Variants in DCAF4 observed in about 807,000 individuals in gnomAD.
DCAF4 encodes the protein DDB1- and CUL4-associated factor 4.
In DCAF4, 37 loss-of-function variants were observed where a neutral mutation model predicts 60.9. That is an observed-to-expected ratio of 0.61 (90% CI 0.47 to 0.80). The LOEUF (loss-of-function observed/expected upper bound fraction) is 0.80, where lower values mean the gene tolerates loss of function less well. Among genes scored for constraint, DCAF4 ranks in the 30% least tolerant of loss-of-function variants. The probability of loss-of-function intolerance (pLI) is 0.00; values close to 1 mark genes in which losing one functional copy is unlikely to be tolerated. For missense variants in DCAF4, 577 were observed against 650.0 expected, an observed-to-expected ratio of 0.89 and a Z score of 1.22; for synonymous variants, 243 against 254.8, an observed-to-expected ratio of 0.95 and a Z score of 0.44.
chr14:72,942,681 T>C, intron 5 of DCAF4: 1 of 287,894 alleles, frequency 3.5e-6, no homozygotes, highest in Non-Finnish European at 6.5e-6. Context: ...GACCATTGTT[T>C]CATCTCCCGC....
chr14:72,927,662 T>TAC lies in DCAF4; in HGVS notation c.-9+1119_-9+1120insAC, dbSNP rs1599554190. On this transcript the variant is annotated intron_variant, in intron 1 of 13. Coordinates refer to ENST00000358377, the MANE Select transcript of DCAF4 (RefSeq NM_015604.4). ...CACCGCGCCCGGCCTGAGGTGGTGT[T>TAC]CTGTGGGTAACCAGGCCTGGGGGTC... Among the ~76,000 whole-genome samples the TAC allele has an allele frequency of 4.6e-5, 7 of 152,084 alleles. No homozygotes were observed. In the East Asian group the frequency reaches 1.4e-3, roughly 30 times the overall value.
Position 72,953,729 on chromosome 14 carries a change from AAAAATATAT to A in DCAF4, c.809-433_809-425del, listed in dbSNP as rs1368700413. 7.4e-5 allele frequency among the ~76,000 whole-genome samples: 3 copies of A among 40,812 alleles called. 1 individual carries two copies. The highest frequency in any genetic ancestry group is 1.2e-4 in the African/African-American group (1 of 8,156). 26.8% of individuals were successfully genotyped at this position (40,812 alleles called of 152,430 possible). A position where few individuals can be genotyped will look rare whatever the true frequency, so the allele number is the denominator to read the frequency against. On this transcript the variant is annotated intron_variant, in intron 9 of 13. Coordinates refer to ENST00000358377, the MANE Select transcript of DCAF4 (RefSeq NM_015604.4). ...TGTCTTAAAAAAAAAAAAAAAAAAA[AAAAATATAT>A]ATATATATATATATATATATATATA...
rs145986879 is a variant in DCAF4 at position 72,941,208 on chromosome 14, C to A, written c.352-537C>A. Among the ~76,000 whole-genome samples the A allele has an allele frequency of 2.7e-3, 413 of 152,164 alleles. 2 individuals carry two copies. Among genetic ancestry groups the A allele is most frequent in the African/African-American group, 9.3e-3 (384 of 41,512 alleles). On this transcript the variant is annotated intron_variant, in intron 4 of 13. Coordinates refer to ENST00000358377, the MANE Select transcript of DCAF4 (RefSeq NM_015604.4). ...CTCGAACTCCTGGCCTCAAGTAATC[C>A]GCCCACCTTGGCCTCCCAAAGTGTG...
At position 72,934,298 on chromosome 14, in the gene DCAF4, C is replaced by T. The variant is rs140697124; in HGVS notation, c.-8-3673C>T. The stretch of plus-strand genomic sequence containing the variant: ...CCTCCCAAGTAGTGGGGATTGCAGG[C>T]GCCCACTACCATGCCTGGCTAATTT... On this transcript the variant is annotated intron_variant, in intron 1 of 13. Coordinates refer to ENST00000358377, the MANE Select transcript of DCAF4 (RefSeq NM_015604.4). Among the ~76,000 whole-genome samples the T allele has an allele frequency of 5.4e-3, 815 of 152,146 alleles. 9 individuals are homozygous for T. The highest frequency in any genetic ancestry group is 0.018 in the African/African-American group (762 of 41,492).
chr14:72,947,406 GT>G (rs1890875568), intron 8 of DCAF4, among the ~76,000 whole-genome samples: 1 of 152,226 alleles, frequency 6.6e-6, no homozygotes, highest in Non-Finnish European at 1.5e-5. Flanking sequence ...CATCATGGCT[GT>G]TTCTCAAGGT....
At chr14:72,940,615 G>A in intron 4 of DCAF4, 1 of 391,786 alleles carries the variant, frequency 2.6e-6, no homozygotes, top group Non-Finnish European at 4.5e-6. Context: ...TTTTGAGGCG[G>A]AATCTCACTC....
Position 72,941,844 on chromosome 14 carries a change from TTA to T in DCAF4, c.431+22_431+23del. The T allele has an allele frequency of 1.2e-6, 2 of 1,609,508 alleles. No individual in the cohort carries two copies. Among genetic ancestry groups the T allele is most frequent in the South Asian group, 2.2e-5 (2 of 90,764 alleles). ...CTGCCAGTAAGACAATGCCTCTTTG[TTA>T]TGTTTTCTTCATGAATGTTCTTTTC... On this transcript the variant is annotated intron_variant, in intron 5 of 13. Coordinates refer to ENST00000358377, the MANE Select transcript of DCAF4 (RefSeq NM_015604.4).
downstream of DCAF4, among the ~76,000 whole-genome samples, chr14:72,960,202 G>GC (rs1567336987): frequency 6.6e-6 from 1 of 151,324 alleles, no homozygotes; most frequent in East Asian, 1.9e-4. Flanking sequence ...TGTTGCCCAG[G>GC]CTGGAGTGCA....
intron 11 of DCAF4, among the ~76,000 whole-genome samples, chr14:72,955,110 C>CAAAAAAA (rs1191603255): frequency 1.5e-5 from 2 of 129,492 alleles, no homozygotes; most frequent in African/African-American, 2.8e-5. Flanking sequence ...GACTCTGTCT[C>CAAAAAAA]AAAAAAAAAA....
rs532390275 is a variant in DCAF4 at position 72,956,679 on chromosome 14, G to A, written c.1294+179G>A. ...AGAATTAGATTATATTAGTAATCAG[G>A]AGTGTAAATAAATGTCCACCAGGTG... On this transcript the variant is annotated intron_variant, in intron 13 of 13. Coordinates refer to ENST00000358377, the MANE Select transcript of DCAF4 (RefSeq NM_015604.4). 13 of 576,596 alleles carry A rather than the reference G, an allele frequency of 2.3e-5. 1 individual carries two copies. In the South Asian group the frequency reaches 2.4e-4, roughly 11 times the overall value. 35.7% of individuals were successfully genotyped at this position (576,596 alleles called of 1,614,324 possible). A position where few individuals can be genotyped will look rare whatever the true frequency, so the allele number is the denominator to read the frequency against.
At chr14:72,953,582 C>T (rs962173942) in intron 9 of DCAF4, among the ~76,000 whole-genome samples, 5 of 150,402 alleles carry the variant, frequency 3.3e-5, no homozygotes, top group Non-Finnish European at 5.9e-5. Context: ...TGGTGGCTCA[C>T]ACCTGTGATC....
At chr14:72,953,985 A>C (rs1390840724) in intron 9 of DCAF4, among the ~76,000 whole-genome samples, 179 bp from the exon 10 acceptor site, 1 of 151,806 alleles carries the variant, frequency 6.6e-6, no homozygotes, top group Non-Finnish European at 1.5e-5. Context: ...TTTTCGGAAT[A>C]ACCACTTGTG....
chr14:72,955,126 T>A (rs116623136), intron 11 of DCAF4, among the ~76,000 whole-genome samples: 4 of 143,462 alleles, frequency 2.8e-5, no homozygotes, highest in South Asian at 2.2e-4. Context: ...AAAAAAAAAA[T>A]TGTGGTCATT....
chr14:72,926,865 C>G (rs1887628862), intron 1 of DCAF4: 2 of 152,576 alleles, frequency 1.3e-5, no homozygotes, highest in Admixed American at 1.3e-4. Context: ...TGCTGAAGGC[C>G]CCACCCGACA....
chr14:72,944,955 G>C (rs1298587663), intron 6 of DCAF4, among the ~76,000 whole-genome samples: 1 of 152,076 alleles, frequency 6.6e-6, no homozygotes, highest in Non-Finnish European at 1.5e-5. Flanking sequence ...TGGGTGTGGT[G>C]GTGCGCACCT....
At position 72,959,029 on chromosome 14, in the gene DCAF4, G is replaced by A; in HGVS notation, c.*224G>A. 8.1e-7 allele frequency: 1 copy of A among 1,234,446 alleles called. No individual in the cohort carries two copies. The highest frequency in any genetic ancestry group is 3.3e-5 in the East Asian group (1 of 30,624). 76.5% of individuals were successfully genotyped at this position (1,234,446 alleles called of 1,614,324 possible). ...AGCTTGGAAGTCCTTTTCATAAAAGGTACCTCTTTCCTTTTCTTATTGAAT... is the reference window on the plus strand; with the variant it reads ...AGCTTGGAAGTCCTTTTCATAAAAGATACCTCTTTCCTTTTCTTATTGAAT... On this transcript the variant is annotated 3_prime_UTR_variant, in exon 14 of 14. Transcript: ENST00000358377.
At chr14:72,945,740 ATCTCCAC>A (rs1364264589) in intron 6 of DCAF4, 137 bp from the exon 7 acceptor site, 3 of 1,084,674 alleles carry the variant, frequency 2.8e-6, no homozygotes, top group African/African-American at 3.1e-5. Flanking sequence ...AAGTGAGGTC[ATCTCCAC>A]TCTCGCTCAT....
Position 72,955,657 on chromosome 14 carries a change from A to G in DCAF4, c.1140A>G (p.Gln380=). The change falls in exon 12 of 14, where the codon CAA becomes CAG. Residue 380 remains glutamine, a synonymous_variant. Coordinates refer to ENST00000358377, the MANE Select transcript of DCAF4 (RefSeq NM_015604.4). ...CAGTGACCTCTGTGCGGATCCTCCA[A>G]GATGAGCAATACCTGATGGCTTCAG... is the stretch of plus-strand genomic sequence containing the variant. ...DSAVTSVRIL[Q]DEQYLMASDM... 1 of 1,614,168 alleles carries G rather than the reference A, an allele frequency of 6.2e-7. No homozygotes were observed. The highest frequency in any genetic ancestry group is 8.5e-7 in the Non-Finnish European group (1 of 1,180,012).
intron 7 of DCAF4, 47 bp downstream of exon 7, chr14:72,946,074 G>A: frequency 7.6e-7 from 1 of 1,314,294 alleles, no homozygotes; most frequent in Non-Finnish European, 1.1e-6. Flanking sequence ...GACCCTGGGG[G>A]TAGTTGGCCA....
Sources: gnomAD v4.1 joint callset for allele counts (sites outside exome capture counted in the v4.1 genomes callset) on GRCh38, gnomAD v4.1.1 for gene constraint, MANE v1.5 for transcripts, NCBI Gene and HGNC (gene_info 2026-07-23, HGNC 2026-07-21) for gene names.